The following CCDC57 variants were observed in gnomAD, a reference collection of about 807,000 sequenced individuals.
CCDC57 encodes the protein coiled-coil domain containing 57.
CCDC57 carries 118 observed loss-of-function variants against 118.9 expected under a neutral mutation model. The ratio of observed to expected loss-of-function variants is 0.99; its 90% confidence interval spans 0.86 to 1.16. The LOEUF is 1.16. Ranked by LOEUF, CCDC57 falls within the 50% of genes most tolerant of loss-of-function variation. CCDC57 has a pLI of 0.00. For missense variants in CCDC57, 1,300 were observed against 1,320.7 expected, an observed-to-expected ratio of 0.98 and a Z score of 0.24; for synonymous variants, 527 against 532.9, an observed-to-expected ratio of 0.99 and a Z score of 0.15.
chr17:82,179,747 C>T (rs1428788058), intron 9 of CCDC57, among the ~76,000 whole-genome samples: 1 of 152,128 alleles, frequency 6.6e-6, no homozygotes, highest in Non-Finnish European at 1.5e-5. Flanking sequence ...GAGGAAACCA[C>T]CAAGGATGTA....
chr17:82,119,012 C>T (rs62079997), intron 19 of CCDC57, among the ~76,000 whole-genome samples: 78,183 of 148,476 alleles, frequency 0.53, 21,365 homozygotes, highest in Non-Finnish European at 0.57. Context: ...CTGCCAATTG[C>T]TGAATGGTTC....
At chr17:82,101,824 A>G (rs2034469641) in exon 20 of CCDC57, 2 of 1,593,338 alleles carry the variant, frequency 1.3e-6, no homozygotes, top group East Asian at 4.5e-5. Flanking sequence ...GCCTGCCTGC[A>G]TCTTGACGGG....
rs2048573336 is a variant in CCDC57, at chr17:82,198,554, G to A, written c.408-132C>T. 2.1e-5 allele frequency: 13 copies of A among 619,762 alleles called. No individual in the cohort carries two copies. In the South Asian group the frequency reaches 2.2e-4, roughly 10 times the overall value. The allele number at this position is 619,762 out of a possible 1,614,324, so 38.4% of individuals were successfully genotyped here. A position where few individuals can be genotyped will look rare whatever the true frequency, so the allele number is the denominator to read the frequency against. On this transcript the variant is annotated intron_variant, in intron 3 of 19. Transcript: ENST00000665763. ...AAGGGGTGGCTTCAGCAGGACCCACGGGGTAGCAGAACTTCCAGCCCCACC... is the reference window on the plus strand; with the variant it reads ...AAGGGGTGGCTTCAGCAGGACCCACAGGGTAGCAGAACTTCCAGCCCCACC...
chr17:82,196,093 G>T (rs563171984), intron 4 of CCDC57, among the ~76,000 whole-genome samples: 2 of 152,330 alleles, frequency 1.3e-5, no homozygotes, highest in African/African-American at 4.8e-5. Context: ...ACTCTGACAA[G>T]AATGGCTGCG....
At chr17:82,114,531 G>GGGGA (rs1399387147) in intron 19 of CCDC57, among the ~76,000 whole-genome samples, 1 of 152,250 alleles carries the variant, frequency 6.6e-6, no homozygotes, top group Non-Finnish European at 1.5e-5. Context: ...ACCCCAGGCA[G>GGGGA]GGGAGGGAGG....
chr17:82,127,346 T>TG (rs2037605259), intron 19 of CCDC57: 1 of 946,800 alleles, frequency 1.1e-6, no homozygotes, highest in Non-Finnish European at 1.2e-6. Flanking sequence ...GCGTCTCACC[T>TG]GGGCTCCATT....
chr17:82,202,728 C>T (rs372590043), intron 2 of CCDC57, among the ~76,000 whole-genome samples: 57 of 151,852 alleles, frequency 3.8e-4, no homozygotes, highest in African/African-American at 1.3e-3. Flanking sequence ...CCAGCCTGGG[C>T]GACACTAAGA....
intron 19 of CCDC57, among the ~76,000 whole-genome samples, chr17:82,102,186 G>T (rs2144835752): frequency 6.6e-6 from 1 of 152,294 alleles, no homozygotes. Context: ...GGGCAGGGGT[G>T]CTGTGTGGTA....
chr17:82,107,665 C>A lies in CCDC57; in HGVS notation c.2900-5799G>T, dbSNP rs1190327397. On this transcript the variant is annotated intron_variant, in intron 19 of 19. Transcript: ENST00000665763. ...GAGGGCAGCCTGGGTTGAAGAAACA[C>A]CCCCTGCTGTCCAACAGCTGCACTG... The A allele has an allele frequency of 8.7e-6, 4 of 460,674 alleles. No homozygotes were observed. In the East Asian group the frequency reaches 2.1e-4, roughly 24 times the overall value. The allele number at this position is 460,674 out of a possible 1,614,324, so 28.5% of individuals were successfully genotyped here.
intron 16 of CCDC57, among the ~76,000 whole-genome samples, chr17:82,144,177 G>A (rs1442387090): frequency 6.6e-6 from 1 of 152,094 alleles, no homozygotes; most frequent in Non-Finnish European, 1.5e-5. Flanking sequence ...GGGCATGATG[G>A]CATGCATCTG....
chr17:82,143,725 G>A (rs976911683), intron 16 of CCDC57, among the ~76,000 whole-genome samples: 1 of 152,076 alleles, frequency 6.6e-6, no homozygotes, highest in African/African-American at 2.4e-5. Context: ...TCCTGAGCAG[G>A]ATTCAGGGAA....
chr17:82,128,422 C>A (rs1340467790), intron 18 of CCDC57, 71 bp downstream of exon 17: 3 of 1,072,978 alleles, frequency 2.8e-6, no homozygotes, highest in Non-Finnish European at 4.1e-6. Flanking sequence ...AGGCCCAGAG[C>A]ACCCAGGCCC....
At position 82,201,520 on chromosome 17, in the gene CCDC57, C is replaced by CGTCG; in HGVS notation, c.407+14_407+17dup. On this transcript the variant is annotated intron_variant, in intron 3 of 19. Coordinates refer to ENST00000665763, the Ensembl canonical transcript of CCDC57. ...CTGCCAGGCACTGCACAGGAGGGCG[C>CGTCG]GTCGGTCGGTGGCTCACCTGTGGAC... The CGTCG allele has an allele frequency of 6.4e-7, 1 of 1,572,856 alleles. No individual in the cohort carries two copies. The highest frequency in any genetic ancestry group is 8.6e-7 in the Non-Finnish European group (1 of 1,164,156).
At chr17:82,136,368 G>C (rs148680194) in intron 16 of CCDC57, among the ~76,000 whole-genome samples, 2 of 152,118 alleles carry the variant, frequency 1.3e-5, no homozygotes, top group Non-Finnish European at 2.9e-5. Context: ...GAAGTGAAAC[G>C]TCCAGAACAG....
intron 8 of CCDC57, 99 bp from the exon 8 acceptor site, chr17:82,184,031 G>GCGCGCTCACACACACACA: frequency 7.8e-6 from 1 of 128,352 alleles, no homozygotes; most frequent in Non-Finnish European, 1.5e-5. Flanking sequence ...GCGCGCGCGC[G>GCGCGCTCACACACACACA]CACACACACA....
intron 16 of CCDC57, among the ~76,000 whole-genome samples, chr17:82,137,013 CTTTT>C (rs36143411): frequency 8.0e-6 from 1 of 125,216 alleles, no homozygotes; most frequent in Non-Finnish European, 1.6e-5. Flanking sequence ...TGGTGTACTA[CTTTT>C]TTTTTTTTTT....
chr17:82,185,342 G>A (rs1201490834), intron 8 of CCDC57, among the ~76,000 whole-genome samples: 1 of 152,180 alleles, frequency 6.6e-6, no homozygotes, highest in Non-Finnish European at 1.5e-5. Context: ...AGAAGGCTGG[G>A]CATGGTGGCT....
intron 19 of CCDC57, among the ~76,000 whole-genome samples, chr17:82,109,327 G>C (rs146023566): frequency 0.016 from 2,376 of 152,366 alleles, 68 homozygotes; most frequent in African/African-American, 0.055. Flanking sequence ...GAGGCATAAG[G>C]TTCTGTGAGC....
At chr17:82,120,521 C>T (rs2036535185) in intron 19 of CCDC57, among the ~76,000 whole-genome samples, 1 of 152,090 alleles carries the variant, frequency 6.6e-6, no homozygotes, top group Admixed American at 6.6e-5. Context: ...TAAGTGGCAC[C>T]CCTTACTTCA....
Sources: allele counts gnomAD v4.1 joint callset (sites outside exome capture counted in the v4.1 genomes callset), GRCh38; gene constraint gnomAD v4.1.1; transcripts MANE v1.5; gene names NCBI Gene and HGNC (gene_info 2026-07-23, HGNC 2026-07-21).